Variants in FAM107B observed in about 807,000 individuals in gnomAD.
FAM107B encodes protein FAM107B.
In FAM107B, 21 loss-of-function variants were observed where a neutral mutation model predicts 31.5. The ratio of observed to expected loss-of-function variants is 0.67; its 90% CI spans 0.47 to 0.96. FAM107B has a LOEUF of 0.96. Ranked by LOEUF, FAM107B falls within the 40% of genes least tolerant of loss-of-function variation. FAM107B has a pLI of 0.00. For synonymous variants in FAM107B, 157 were observed against 141.5 expected (o/e 1.11, Z -0.78); for missense variants, 452 against 377.1 (o/e 1.20, Z -1.64).
chr10:14,626,679 A>G (rs1853174352), intron 2 of FAM107B, among the ~76,000 whole-genome samples: 1 of 151,638 alleles, frequency 6.6e-6, no homozygotes, highest in Non-Finnish European at 1.5e-5. Context: ...AATTTTTTGT[A>G]TTTTTAGTAG....
At chr10:14,622,231 C>A (rs561209714) in intron 2 of FAM107B, among the ~76,000 whole-genome samples, 6 of 151,808 alleles carry the variant, frequency 4.0e-5, no homozygotes, top group African/African-American at 1.5e-4. Flanking sequence ...TACAGCCTAG[C>A]AGAGGAGACA....
chr10:14,718,973 TC>T (rs1012944402), intron 1 of FAM107B, among the ~76,000 whole-genome samples: 2 of 152,094 alleles, frequency 1.3e-5, no homozygotes, highest in Admixed American at 1.3e-4. Context: ...AACAAGATAC[TC>T]AAAGAGATGA....
At position 14,693,779 on chromosome 10, in the gene FAM107B, C is replaced by T. The variant is rs572742840; in HGVS notation, c.412-26088G>A. ...CTTCTCCCCACCTACCCTTCCCACCCCTGGGAACCACTGTTTTATTCTCTA... is the reference window on the plus strand; with the variant it reads ...CTTCTCCCCACCTACCCTTCCCACCTCTGGGAACCACTGTTTTATTCTCTA... On this transcript the variant is annotated intron_variant, in intron 1 of 4. Coordinates refer to ENST00000181796, the MANE Select transcript of FAM107B (RefSeq NM_031453.4). Among the ~76,000 whole-genome samples the T allele has an allele frequency of 4.8e-4, 73 of 152,274 alleles. No homozygotes were observed. The South Asian group carries it at 0.013, about 28-fold the overall frequency.
At chr10:14,586,792 C>T (rs1192805880) in intron 2 of FAM107B, among the ~76,000 whole-genome samples, 4 of 152,204 alleles carry the variant, frequency 2.6e-5, no homozygotes, top group Non-Finnish European at 5.9e-5. Context: ...GGTCGCTCCT[C>T]CACTCTCCAA....
chr10:14,675,269 T>C (rs1319161456), intron 1 of FAM107B, among the ~76,000 whole-genome samples: 1 of 152,148 alleles, frequency 6.6e-6, no homozygotes, highest in Non-Finnish European at 1.5e-5. Context: ...TATGGCACCG[T>C]GGTCAGGGTG....
intron 1 of FAM107B, chr10:14,723,711 G>A: frequency 1.3e-6 from 1 of 756,900 alleles, no homozygotes. Context: ...GCTCCCAGAA[G>A]GCTGCCTGGA....
At chr10:14,662,024 T>A (rs1854254090) in intron 2 of FAM107B, among the ~76,000 whole-genome samples, 1 of 152,106 alleles carries the variant, frequency 6.6e-6, no homozygotes, top group Admixed American at 6.5e-5. Flanking sequence ...GTATGGAAAA[T>A]TTTCCTCTGC....
intron 2 of FAM107B, among the ~76,000 whole-genome samples, chr10:14,585,473 C>G (rs1395757619): frequency 6.6e-6 from 1 of 152,198 alleles, no homozygotes; most frequent in South Asian, 2.1e-4. Flanking sequence ...GGTGAAGCCA[C>G]GGACCCTGGG....
intron 1 of FAM107B, chr10:14,723,269 G>A: frequency 1.9e-6 from 1 of 536,100 alleles, no homozygotes; most frequent in Non-Finnish European, 3.7e-6. Context: ...GTCTTCAGTA[G>A]GGAACTGCTG....
chr10:14,528,613 T>C (rs1846595095), intron 3 of FAM107B, among the ~76,000 whole-genome samples: 1 of 152,176 alleles, frequency 6.6e-6, no homozygotes, highest in South Asian at 2.1e-4. Flanking sequence ...AAGATTCATA[T>C]CATTTCTCTC....
intron 1 of FAM107B, among the ~76,000 whole-genome samples, chr10:14,715,840 A>T (rs1329515315): frequency 1.3e-5 from 2 of 152,140 alleles, no homozygotes; most frequent in Non-Finnish European, 2.9e-5. Flanking sequence ...GGGTCACACC[A>T]TTGGCTTCCA....
rs754654037 is a variant in FAM107B at position 14,667,702 on chromosome 10, GC to G, written c.412-12del. On this transcript the variant is annotated splice_polypyrimidine_tract_variant and intron_variant, in intron 1 of 4. Coordinates refer to ENST00000181796, the MANE Select transcript of FAM107B (RefSeq NM_031453.4). Reference sequence around the variant, plus strand: ...TCGAAATTCTTCTTCCTAAGCGCCAGCCCCATAAACCAGAAAAGCAGGGAGA... The same window carrying G: ...TCGAAATTCTTCTTCCTAAGCGCCAGCCCATAAACCAGAAAAGCAGGGAGA... 2.4e-5 allele frequency: 39 copies of G among 1,614,006 alleles called. No homozygotes were observed. In the Middle Eastern group the frequency reaches 4.9e-4, roughly 20 times the overall value.
intron 2 of FAM107B, among the ~76,000 whole-genome samples, chr10:14,592,868 G>C (rs777013623): frequency 2.0e-5 from 3 of 152,206 alleles, no homozygotes; most frequent in South Asian, 2.1e-4. Flanking sequence ...GGCAACGGAA[G>C]ATAACAGCTT....
chr10:14,700,025 C>A lies in FAM107B; in HGVS notation c.412-32334G>T, dbSNP rs536862855. ...TCAGCTCACTGCAACCTCCACCTCC[C>A]GGGTGCAAGCGATTCTTCTGCCTCA... is the stretch of plus-strand genomic sequence containing the variant. On this transcript the variant is annotated intron_variant, in intron 1 of 4. Coordinates refer to ENST00000181796, the MANE Select transcript of FAM107B (RefSeq NM_031453.4). Among the ~76,000 whole-genome samples, 71 of 152,208 alleles carry A rather than the reference C, an allele frequency of 4.7e-4. No homozygotes were observed. In the South Asian group the frequency reaches 0.014, roughly 29 times the overall value.
Position 14,628,112 on chromosome 10 carries a change from G to GTTTTTTTTTTTTT in FAM107B, c.469+39509_469+39521dup, listed in dbSNP as rs71505033. On this transcript the variant is annotated intron_variant, in intron 2 of 4. Transcript: ENST00000181796. ...TCCTTGTTTGTTTTTTGTTTTGCTGGTTTTTTTTTTTTTTTTTTTTTGAGA... is the reference window on the plus strand; with the variant it reads ...TCCTTGTTTGTTTTTTGTTTTGCTGGTTTTTTTTTTTTTTTTTTTTTTTTTTTTTTTTTTGAGA... 4.3e-4 allele frequency among the ~76,000 whole-genome samples: 40 copies of GTTTTTTTTTTTTT among 92,686 alleles called. 1 individual carries two copies. The highest frequency in any genetic ancestry group is 7.0e-4 in the African/African-American group (18 of 25,818). 60.8% of individuals were successfully genotyped at this position (92,686 alleles called of 152,430 possible). A position where few individuals can be genotyped will look rare whatever the true frequency, so the allele number is the denominator to read the frequency against.
intron 1 of FAM107B, among the ~76,000 whole-genome samples, chr10:14,747,722 A>C (rs1022618196): frequency 1.3e-5 from 2 of 151,926 alleles, no homozygotes; most frequent in Admixed American, 6.6e-5. Flanking sequence ...CAGCAGGAAC[A>C]CTCCTGTATA....
chr10:14,633,626 TTAGA>T (rs1853422644), intron 2 of FAM107B, among the ~76,000 whole-genome samples: 1 of 152,226 alleles, frequency 6.6e-6, no homozygotes, highest in Non-Finnish European at 1.5e-5. Context: ...TTAGCTTTCA[TTAGA>T]TAGACTAAAT....
At chr10:14,549,380 T>G (rs946688251) in intron 2 of FAM107B, among the ~76,000 whole-genome samples, 1 of 152,218 alleles carries the variant, frequency 6.6e-6, no homozygotes, top group African/African-American at 2.4e-5. Flanking sequence ...ACTCGCAGCA[T>G]CTATAATAAA....
At chr10:14,621,991 C>T (rs750990883) in intron 2 of FAM107B, among the ~76,000 whole-genome samples, 1 of 152,226 alleles carries the variant, frequency 6.6e-6, no homozygotes, top group African/African-American at 2.4e-5. Context: ...TAATCAGATG[C>T]ATCTTAAATA....
Sources: allele counts gnomAD v4.1 joint callset (sites outside exome capture counted in the v4.1 genomes callset), GRCh38; gene constraint gnomAD v4.1.1; transcripts MANE v1.5; gene names NCBI Gene and HGNC (gene_info 2026-07-23, HGNC 2026-07-21).